The following DRD3 variants were observed in gnomAD, a reference collection of about 807,000 sequenced individuals.
DRD3 encodes the protein dopamine receptor D3, also known as D(3) dopamine receptor.
DRD3 carries 19 observed loss-of-function variants against 36.3 expected under a neutral mutation model. The observed-to-expected ratio is 0.52, with a 90% CI of 0.36 to 0.77. The LOEUF (loss-of-function observed/expected upper bound fraction) is 0.77, where lower values mean the gene tolerates loss of function less well. Ranked by LOEUF, DRD3 falls within the 30% of genes least tolerant of loss-of-function variation. The pLI, the probability that DRD3 is intolerant of heterozygous loss-of-function variation, is 0.00. For synonymous variants in DRD3, 195 were observed against 203.7 expected, an observed-to-expected ratio of 0.96 and a Z score of 0.36; for missense variants, 465 against 505.3, an observed-to-expected ratio of 0.92 and a Z score of 0.77.
At chr3:114,139,457 A>G in intron 5 of DRD3, 43 bp downstream of exon 5, 1 of 1,573,218 alleles carries the variant, frequency 6.4e-7, no homozygotes, top group Non-Finnish European at 8.7e-7. Context: ...GGAAGTCAGG[A>G]GATTGGGTGT....
intron 2 of DRD3, among the ~76,000 whole-genome samples, chr3:114,164,087 G>C (rs567345336): frequency 2.0e-3 from 296 of 150,986 alleles, no homozygotes; most frequent in Non-Finnish European, 3.1e-3. Context: ...TGGGTGTGGT[G>C]GTGGGCGCCT....
chr3:114,179,245 G>A (rs1423223954), upstream of DRD3, among the ~76,000 whole-genome samples: 1 of 152,090 alleles, frequency 6.6e-6, no homozygotes, highest in African/African-American at 2.4e-5. Context: ...TCATCAAATT[G>A]ATACCACAAT....
intron 4 of DRD3, among the ~76,000 whole-genome samples, chr3:114,143,401 A>G (rs1432501623): frequency 6.6e-6 from 1 of 152,190 alleles, no homozygotes; most frequent in African/African-American, 2.4e-5. Flanking sequence ...AATTTTGTGG[A>G]GTACGTACTA....
intron 2 of DRD3, among the ~76,000 whole-genome samples, chr3:114,169,765 G>C (rs2077821916): frequency 6.6e-6 from 1 of 152,068 alleles, no homozygotes; most frequent in African/African-American, 2.4e-5. Flanking sequence ...GGCTAGAAGG[G>C]GTGCCATGGA....
chr3:114,183,782 C>T (rs2077960517), upstream of DRD3, among the ~76,000 whole-genome samples: 1 of 151,682 alleles, frequency 6.6e-6, no homozygotes, highest in Non-Finnish European at 1.5e-5. Flanking sequence ...TATCCTTTTC[C>T]ATCTTTTCAC....
At chr3:114,183,681 T>C (rs1168148485), upstream of DRD3, among the ~76,000 whole-genome samples, 5 of 152,092 alleles carry the variant, frequency 3.3e-5, no homozygotes, top group Admixed American at 6.5e-5. Flanking sequence ...TATAATACCC[T>C]TTTTTATTTC....
intron 2 of DRD3, among the ~76,000 whole-genome samples, chr3:114,165,263 G>A (rs2077772618): frequency 6.6e-6 from 1 of 152,014 alleles, no homozygotes; most frequent in African/African-American, 2.4e-5. Context: ...TCATAATGTG[G>A]TTTGAAAATA....
intron 3 of DRD3, among the ~76,000 whole-genome samples, chr3:114,149,073 C>A (rs888308907): frequency 6.6e-6 from 1 of 152,214 alleles, no homozygotes; most frequent in African/African-American, 2.4e-5. Context: ...ATACGCCAGG[C>A]CTCATTCCAG....
intron 1 of DRD3, among the ~76,000 whole-genome samples, chr3:114,188,401 G>A (rs913929016): frequency 3.3e-5 from 5 of 151,900 alleles, no homozygotes; most frequent in African/African-American, 1.2e-4. Context: ...TAGTAGAGAT[G>A]GGGTTTCACC....
intron 1 of DRD3, among the ~76,000 whole-genome samples, chr3:114,187,087 G>C (rs36212516): frequency 6.6e-6 from 1 of 152,198 alleles, no homozygotes; most frequent in Admixed American, 6.5e-5. Flanking sequence ...ATGTATCATG[G>C]GGAATAAGAT....
chr3:114,158,992 C>T (rs894934477), intron 3 of DRD3, among the ~76,000 whole-genome samples: 2 of 151,878 alleles, frequency 1.3e-5, no homozygotes, highest in African/African-American at 4.8e-5. Context: ...CCAGGCAAAT[C>T]TCAGGCTCAG....
chr3:114,167,970 A>G (rs2077802055), intron 2 of DRD3, among the ~76,000 whole-genome samples: 1 of 152,196 alleles, frequency 6.6e-6, no homozygotes, highest in African/African-American at 2.4e-5. Flanking sequence ...GTATATGGAA[A>G]AAGGCAGAGC....
intron 4 of DRD3, among the ~76,000 whole-genome samples, chr3:114,146,439 C>T (rs137878805): frequency 1.3e-3 from 204 of 152,140 alleles, no homozygotes; most frequent in African/African-American, 4.4e-3. Flanking sequence ...TGAGGCTGGC[C>T]GAACGCGGTG....
chr3:114,186,911 G>C (rs1375736096), intron 1 of DRD3, among the ~76,000 whole-genome samples: 1 of 152,198 alleles, frequency 6.6e-6, no homozygotes, highest in African/African-American at 2.4e-5. Flanking sequence ...CTGGAAATCA[G>C]AGAACTGTGT....
At chr3:114,198,561 T>C (rs573086668) in intron 1 of DRD3, among the ~76,000 whole-genome samples, 2 of 152,276 alleles carry the variant, frequency 1.3e-5, no homozygotes, top group South Asian at 2.1e-4. Context: ...TTTGGGTAGA[T>C]TTTTTGGTGT....
chr3:114,149,520 G>A (rs2077597731), intron 3 of DRD3, among the ~76,000 whole-genome samples: 1 of 152,136 alleles, frequency 6.6e-6, no homozygotes, highest in African/African-American at 2.4e-5. Context: ...CTCTAGGATG[G>A]CCCCAAGATT....
chr3:114,183,306 CT>C (rs1475692836), upstream of DRD3, among the ~76,000 whole-genome samples: 1 of 152,150 alleles, frequency 6.6e-6, no homozygotes, highest in Non-Finnish European at 1.5e-5. Flanking sequence ...TGACATTTGT[CT>C]TTTAAAATCT....
intron 1 of DRD3, among the ~76,000 whole-genome samples, chr3:114,172,881 C>A (rs2077860502): frequency 6.6e-6 from 1 of 151,638 alleles, no homozygotes; most frequent in Non-Finnish European, 1.5e-5. Flanking sequence ...AGGGAGTAAC[C>A]CTGAAACCCA....
intron 1 of DRD3, among the ~76,000 whole-genome samples, chr3:114,190,453 TATATATATA>T (rs1473941661): frequency 8.6e-4 from 12 of 13,986 alleles, no homozygotes; most frequent in South Asian, 4.8e-3. Flanking sequence ...TATATATATA[TATATATATA>T]TTTTTTTTTT....
Sources: gnomAD v4.1 joint callset for allele counts (sites outside exome capture counted in the v4.1 genomes callset) on GRCh38, gnomAD v4.1.1 for gene constraint, MANE v1.5 for transcripts, NCBI Gene and HGNC (gene_info 2026-07-23, HGNC 2026-07-21) for gene names.